KIF26A: variants seen among roughly 807,000 people sequenced by gnomAD.
KIF26A encodes the protein kinesin family member 26A.
KIF26A carries 74 observed loss-of-function variants against 126.0 expected under a neutral mutation model. That is an observed-to-expected ratio of 0.59 (90% CI 0.49 to 0.71). The LOEUF (loss-of-function observed/expected upper bound fraction) is 0.71. Among genes scored for constraint, KIF26A ranks in the 30% least tolerant of loss-of-function variants. The pLI is 0.00. For synonymous variants in KIF26A, 1,445 were observed against 1,232.7 expected (o/e 1.17, Z -3.61); for missense variants, 2,984 against 2,763.3 (o/e 1.08, Z -1.79).
intron 4 of KIF26A, among the ~76,000 whole-genome samples, chr14:104,160,341 C>T (rs2037821555): frequency 6.6e-6 from 1 of 152,144 alleles, no homozygotes; most frequent in Non-Finnish European, 1.5e-5. Flanking sequence ...CGGATTAGGG[C>T]ACCAGCCTCA....
At chr14:104,170,082 A>T (rs1053133628) in intron 5 of KIF26A, among the ~76,000 whole-genome samples, 2 of 152,152 alleles carry the variant, frequency 1.3e-5, no homozygotes, top group Non-Finnish European at 2.9e-5. Context: ...CCGCTGGTGG[A>T]AAGGGTGGCC....
At chr14:104,177,956 C>T (rs2038053836) in intron 12 of KIF26A, 58 bp downstream of exon 12, 3 of 1,417,564 alleles carry the variant, frequency 2.1e-6, no homozygotes, top group Non-Finnish European at 1.8e-6. Context: ...TGTAGATGTG[C>T]ACAGCCCTCT....
chr14:104,166,674 A>T (rs1331400677), intron 4 of KIF26A, among the ~76,000 whole-genome samples, 185 bp from the exon 5 acceptor site: 5 of 152,092 alleles, frequency 3.3e-5, no homozygotes, highest in Non-Finnish European at 7.4e-5. Context: ...GACGCCATGG[A>T]GGCCCCAGCC....
At chr14:104,178,442 C>A (rs548881681) in intron 12 of KIF26A, 108 bp from the exon 13 acceptor site, 1 of 846,506 alleles carries the variant, frequency 1.2e-6, no homozygotes, top group Non-Finnish European at 1.7e-6. Flanking sequence ...GACTGGATCC[C>A]GAAGGCCTCC....
intron 4 of KIF26A, among the ~76,000 whole-genome samples, chr14:104,163,404 T>G (rs867321363): frequency 2.6e-5 from 4 of 152,280 alleles, no homozygotes; most frequent in South Asian, 2.1e-4. Context: ...TGTGTCGGCC[T>G]CCATCCTGTC....
chr14:104,172,008 C>G, intron 6 of KIF26A, 73 bp downstream of exon 6: 1 of 1,373,718 alleles, frequency 7.3e-7, no homozygotes, highest in Admixed American at 2.1e-5. Context: ...TGGGTCCGAT[C>G]TGCGCCCGCT....
chr14:104,177,881 C>T lies in KIF26A; in HGVS notation c.5093C>T (p.Pro1698Leu), dbSNP rs771305969. ...GCCCGCACCCGCAGCCTCAAGTCCC[C>T]CAAGAAGAGGGCCACAGGTGGGTGC... ...PGARTRSLKSPKKRATGLQRR... is the reference protein window; with the variant it reads ...PGARTRSLKSLKKRATGLQRR... The change falls in exon 12 of 15, where the codon CCC (proline) becomes CTC (leucine). Residue 1698 changes from proline (P) to leucine (L), a missense_variant. Transcript: ENST00000423312. 7.8e-6 allele frequency: 12 copies of T among 1,541,972 alleles called. No homozygotes were observed. The African/African-American group carries it at 1.4e-4, about 18-fold the overall frequency.
intron 5 of KIF26A, among the ~76,000 whole-genome samples, chr14:104,170,722 A>G (rs555803863): frequency 9.8e-5 from 15 of 152,340 alleles, no homozygotes; most frequent in African/African-American, 3.6e-4. Context: ...GCCTCCTGGC[A>G]TCGACGCACC....
At chr14:104,138,814 C>T in intron 1 of KIF26A, 50 bp downstream of exon 1, 2 of 1,257,116 alleles carry the variant, frequency 1.6e-6, no homozygotes, top group South Asian at 3.2e-5. Context: ...GGGCCCGGGA[C>T]GGCGAAGATA....
chr14:104,178,533 C>A lies in KIF26A; in HGVS notation c.5111-17C>A. On this transcript the variant is annotated splice_polypyrimidine_tract_variant and intron_variant, in intron 12 of 14. Transcript: ENST00000423312. ...GGCCCCGCCTCTGTTCACCCTGTGCCCGGCTCTCCGTTCCAGGTCTGCAGC... is the reference window on the plus strand; with the variant it reads ...GGCCCCGCCTCTGTTCACCCTGTGCACGGCTCTCCGTTCCAGGTCTGCAGC... The A allele has an allele frequency of 6.9e-7, 1 of 1,443,142 alleles. No homozygotes were observed. The highest frequency in any genetic ancestry group is 1.5e-5 in the South Asian group (1 of 68,870). The allele number at this position is 1,443,142 out of a possible 1,614,324, so 89.4% of individuals were successfully genotyped here. A position where few individuals can be genotyped will look rare whatever the true frequency, so the allele number is the denominator to read the frequency against.
At chr14:104,172,280 G>A (rs933206256) in intron 6 of KIF26A, among the ~76,000 whole-genome samples, 1 of 152,228 alleles carries the variant, frequency 6.6e-6, no homozygotes, top group Non-Finnish European at 1.5e-5. Flanking sequence ...GTGTGGCTGC[G>A]TGTGCGTCTC....
In KIF26A at chr14:104,177,026, C is replaced by A; in HGVS notation, c.4238C>A (p.Pro1413His). The A allele has an allele frequency of 1.3e-6, 2 of 1,568,612 alleles. No individual in the cohort carries two copies. The highest frequency in any genetic ancestry group is 2.3e-5 in the East Asian group (1 of 43,182). The change falls in exon 12 of 15, where the codon CCC (proline) becomes CAC (histidine). Residue 1413 changes from proline (P) to histidine (H), a missense_variant. By Grantham distance (77) the Pro-to-His change is moderately conservative. Coordinates refer to ENST00000423312, the MANE Select transcript of KIF26A (RefSeq NM_015656.2). ...AGCAGCCGGGCTGACCACTCTGTCC[C>A]CAGGGCCACGTCCAGCCTGAAGGCC... ...RPSSRADHSV[P>H]RATSSLKARA...
intron 2 of KIF26A, among the ~76,000 whole-genome samples, chr14:104,145,842 C>CT (rs1318861963): frequency 6.6e-6 from 1 of 152,258 alleles, no homozygotes; most frequent in Admixed American, 6.5e-5. Context: ...AAGGCCCCTC[C>CT]TGCTCTCGTC....
At chr14:104,149,898 A>G (rs1032539606) in intron 2 of KIF26A, among the ~76,000 whole-genome samples, 12 of 152,298 alleles carry the variant, frequency 7.9e-5, no homozygotes, top group Non-Finnish European at 1.2e-4. Context: ...TAGCTCCAGC[A>G]GGCGGGGACT....
rs749162798 is a variant in KIF26A, at chr14:104,173,471, C to T, written c.1825C>T (p.His609Tyr). The part of the protein sequence containing the change: ...RRSSHMLFTL[H>Y]VYQYRMEKCG... ...CAGCTCCCACATGTTGTTCACGCTG[C>T]ACGTCTACCAGTACCGCATGGAGAA... Residue 609 changes from histidine (H) to tyrosine (Y), a missense_variant, in exon 9 of 15, where the codon CAC becomes TAC. Coordinates refer to ENST00000423312, the MANE Select transcript of KIF26A (RefSeq NM_015656.2). 4 of 1,585,634 alleles carry T rather than the reference C, an allele frequency of 2.5e-6. No homozygotes were observed. The highest frequency in any genetic ancestry group is 1.7e-5 in the Admixed American group (1 of 57,580).
At chr14:104,179,558 C>T in intron 14 of KIF26A, 51 bp from the exon 15 acceptor site, 1 of 1,461,192 alleles carries the variant, frequency 6.8e-7, no homozygotes, top group Non-Finnish European at 9.1e-7. Context: ...GGTGGCTGCC[C>T]CCAGCCTCGG....
intron 5 of KIF26A, 131 bp from the exon 6 acceptor site, chr14:104,171,592 C>A: frequency 1.4e-6 from 1 of 737,106 alleles, no homozygotes; most frequent in Non-Finnish European, 2.2e-6. Context: ...GCGGTGTCCA[C>A]ATTCCTGCGG....
chr14:104,178,734 C>A lies in KIF26A; in HGVS notation c.5295C>A (p.Thr1765=). ...AGCGCCTTCAGCGGCCCCGCCCCAC[C>A]CCGAGGGAGGCCCCCACCCAGGTAG... ...DVERLQRPRP[T]PREAPTQGLA... is the part of the protein sequence containing the mutation. The change falls in exon 13 of 15, where the codon ACC becomes ACA. Residue 1765 remains threonine, a synonymous_variant. Transcript: ENST00000423312. 1 of 1,543,114 alleles carries A rather than the reference C, an allele frequency of 6.5e-7. No homozygotes were observed. The highest frequency in any genetic ancestry group is 8.8e-7 in the Non-Finnish European group (1 of 1,140,550).
In KIF26A at chr14:104,177,108, G is replaced by A; in HGVS notation, c.4320G>A (p.Arg1440=). 1.9e-6 allele frequency: 3 copies of A among 1,597,420 alleles called. No individual in the cohort carries two copies. The highest frequency in any genetic ancestry group is 2.7e-5 in the African/African-American group (2 of 75,010). ...TTGCCGGACACGCGTCTCTGGAGCG[G>A]TACGAAGGCCTGGCGCACAGCAGCA... The part of the protein sequence containing the change: ...HRLAGHASLE[R]YEGLAHSSSK... The change falls in exon 12 of 15, where the codon CGG becomes CGA. Residue 1440 remains arginine, a synonymous_variant. Transcript: ENST00000423312.
Sources: gnomAD v4.1 joint callset for allele counts (sites outside exome capture counted in the v4.1 genomes callset) on GRCh38, gnomAD v4.1.1 for gene constraint, MANE v1.5 for transcripts, NCBI Gene and HGNC (gene_info 2026-07-23, HGNC 2026-07-21) for gene names.